The following LRFN5 variants were observed in gnomAD, a reference collection of about 807,000 sequenced individuals.
LRFN5 encodes leucine-rich repeat and fibronectin type-III domain-containing protein 5.
Under a neutral mutation model 45.6 loss-of-function variants are expected in LRFN5, and 24 were observed. That is an observed-to-expected ratio of 0.53 (90% confidence interval 0.38 to 0.74). The LOEUF (loss-of-function observed/expected upper bound fraction) is 0.74. LRFN5 is among the 30% of genes least tolerant of loss of function. The probability of loss-of-function intolerance (pLI) is 0.00; values close to 1 mark genes in which losing one functional copy is unlikely to be tolerated. For synonymous variants in LRFN5, 340 were observed against 313.8 expected (o/e 1.08, Z -0.88); for missense variants, 776 against 861.5 (o/e 0.90, Z 1.24).
chr14:41,805,994 A>C (rs1887513008), intron 2 of LRFN5, among the ~76,000 whole-genome samples: 1 of 152,106 alleles, frequency 6.6e-6, no homozygotes, highest in Admixed American at 6.6e-5. Context: ...TGCAGTTGCA[A>C]ATTTCCCCCA....
At chr14:41,778,974 G>C (rs1886389206) in intron 2 of LRFN5, among the ~76,000 whole-genome samples, 1 of 151,622 alleles carries the variant, frequency 6.6e-6, no homozygotes, top group Non-Finnish European at 1.5e-5. Flanking sequence ...ATGTCTTCTT[G>C]ATCTGTGCAA....
At chr14:41,894,430 A>G in intron 4 of LRFN5, 1 of 906,696 alleles carries the variant, frequency 1.1e-6, no homozygotes, top group Non-Finnish European at 1.3e-6. Flanking sequence ...TTTTAATATG[A>G]TCATTTTTAC....
At chr14:41,832,559 G>T (rs1036000967) in intron 2 of LRFN5, among the ~76,000 whole-genome samples, 6 of 152,140 alleles carry the variant, frequency 3.9e-5, no homozygotes, top group African/African-American at 1.4e-4. Context: ...TCACTAGAGG[G>T]TCATTAGGGG....
rs919127506 is a variant in LRFN5, at chr14:41,812,856, A to C, written c.-21+45827A>C. Reference sequence around the variant, plus strand: ...AACAAGGCAGTGTAAGTAATGATGGAAAGTTTCATGAAGAAACTTAGATTG... The same window carrying C: ...AACAAGGCAGTGTAAGTAATGATGGCAAGTTTCATGAAGAAACTTAGATTG... On this transcript the variant is annotated intron_variant, in intron 2 of 5. Coordinates refer to ENST00000298119, the MANE Select transcript of LRFN5 (RefSeq NM_152447.5). Among the ~76,000 whole-genome samples the C allele has an allele frequency of 5.3e-5, 8 of 152,120 alleles. No individual in the cohort carries two copies. The East Asian group carries it at 1.5e-3, about 29-fold the overall frequency.
chr14:41,819,276 C>T (rs1888029392), intron 2 of LRFN5, among the ~76,000 whole-genome samples: 1 of 151,982 alleles, frequency 6.6e-6, no homozygotes, highest in African/African-American at 2.4e-5. Context: ...AATGGTAGTT[C>T]CATTTTTAGC....
intron 1 of LRFN5, among the ~76,000 whole-genome samples, chr14:41,687,095 C>T (rs960849411): frequency 2.0e-5 from 3 of 151,910 alleles, no homozygotes; most frequent in Non-Finnish European, 4.4e-5. Context: ...TTCAATGTAC[C>T]TATCTGACAA....
intron 2 of LRFN5, among the ~76,000 whole-genome samples, chr14:41,791,025 C>T (rs1886900378): frequency 6.6e-6 from 1 of 151,516 alleles, no homozygotes; most frequent in Non-Finnish European, 1.5e-5. Flanking sequence ...CCTATTTGTC[C>T]TCATGGTATG....
intron 4 of LRFN5, among the ~76,000 whole-genome samples, chr14:41,897,745 C>A (rs1391772060): frequency 3.9e-5 from 6 of 152,032 alleles, no homozygotes; most frequent in Admixed American, 3.3e-4. Flanking sequence ...CTAATTTCAT[C>A]CATTTCAAAC....
At chr14:41,867,771 T>A (rs1889889177) in intron 2 of LRFN5, among the ~76,000 whole-genome samples, 1 of 152,128 alleles carries the variant, frequency 6.6e-6, no homozygotes, top group Non-Finnish European at 1.5e-5. Flanking sequence ...TCTCACCTTT[T>A]TTCACTTCCT....
chr14:41,815,067 T>A (rs1887870132), intron 2 of LRFN5, among the ~76,000 whole-genome samples: 1 of 152,178 alleles, frequency 6.6e-6, no homozygotes. Context: ...TGATTAATAG[T>A]GTTGTTGAGT....
At chr14:41,679,402 C>G (rs971860120) in intron 1 of LRFN5, among the ~76,000 whole-genome samples, 1 of 152,020 alleles carries the variant, frequency 6.6e-6, no homozygotes. Flanking sequence ...TGTCTTGAAA[C>G]CTGTATACCG....
chr14:41,904,022 C>A, intron 5 of LRFN5, 136 bp from the exon 6 acceptor site: 1 of 666,438 alleles, frequency 1.5e-6, no homozygotes, highest in Non-Finnish European at 2.5e-6. Flanking sequence ...TGCTGTATTT[C>A]ATGGCAAGCA....
At chr14:41,739,990 TA>T (rs1399734195) in intron 1 of LRFN5, among the ~76,000 whole-genome samples, 3 of 151,058 alleles carry the variant, frequency 2.0e-5, no homozygotes, top group Non-Finnish European at 4.4e-5. Flanking sequence ...CCATGACAAA[TA>T]AAAAAGAAAT....
At position 41,747,307 on chromosome 14, in the gene LRFN5, A is replaced by G. The variant is rs1248425161; in HGVS notation, c.-196-19547A>G. On this transcript the variant is annotated intron_variant, in intron 1 of 5. Coordinates refer to ENST00000298119, the MANE Select transcript of LRFN5 (RefSeq NM_152447.5). ...ACTTACTACAAAGTTACAGTAATCA[A>G]AGGATTTTGGTACTGGCATAAAAAC... Among the ~76,000 whole-genome samples the G allele has an allele frequency of 2.7e-5, 4 of 149,618 alleles. No homozygotes were observed. In the South Asian group the frequency reaches 8.4e-4, roughly 32 times the overall value.
At chr14:41,674,477 C>A (rs1429316209) in intron 1 of LRFN5, among the ~76,000 whole-genome samples, 2 of 143,976 alleles carry the variant, frequency 1.4e-5, no homozygotes, top group South Asian at 4.6e-4. Context: ...CCTCACCTCC[C>A]GGACGGGGTG....
chr14:41,776,296 G>A (rs914940117), intron 2 of LRFN5, among the ~76,000 whole-genome samples: 1 of 152,062 alleles, frequency 6.6e-6, no homozygotes, highest in Non-Finnish European at 1.5e-5. Flanking sequence ...TGCCCCAATA[G>A]GAAAAGTAAT....
chr14:41,645,321 G>T (rs191740670), intron 1 of LRFN5, among the ~76,000 whole-genome samples: 1 of 152,040 alleles, frequency 6.6e-6, no homozygotes, highest in Non-Finnish European at 1.5e-5. Flanking sequence ...TGCAACCTCC[G>T]CCTCCCAGGT....
intron 1 of LRFN5, among the ~76,000 whole-genome samples, chr14:41,727,162 AT>A (rs1173823694): frequency 6.6e-6 from 1 of 152,170 alleles, no homozygotes; most frequent in African/African-American, 2.4e-5. Context: ...GACTTCACAT[AT>A]GTGTGGAAGA....
intron 1 of LRFN5, among the ~76,000 whole-genome samples, chr14:41,727,279 C>A (rs962521090): frequency 1.3e-5 from 2 of 152,084 alleles, no homozygotes; most frequent in Non-Finnish European, 2.9e-5. Flanking sequence ...AAAACCAGTG[C>A]TTTATAAACA....
Sources: gnomAD v4.1 joint callset for allele counts (sites outside exome capture counted in the v4.1 genomes callset) on GRCh38, gnomAD v4.1.1 for gene constraint, MANE v1.5 for transcripts, NCBI Gene and HGNC (gene_info 2026-07-23, HGNC 2026-07-21) for gene names.